The following MPDZ variants were observed in gnomAD, a reference collection of about 807,000 sequenced individuals.
MPDZ encodes the protein multiple PDZ domain protein.
MPDZ carries 234 observed loss-of-function variants against 239.1 expected under a neutral mutation model. The observed-to-expected ratio is 0.98, with a 90% confidence interval of 0.88 to 1.09. The LOEUF is 1.09. Ranked by LOEUF, MPDZ falls within the 50% of genes least tolerant of loss-of-function variation. MPDZ has a pLI of 0.00. For missense variants in MPDZ, 3,175 were observed against 2,510.0 expected (o/e 1.26, Z -5.66); for synonymous variants, 1,048 against 881.3 (o/e 1.19, Z -3.35).
chr9:13,162,177 T>C (rs1015079160), intron 23 of MPDZ, among the ~76,000 whole-genome samples: 7 of 151,812 alleles, frequency 4.6e-5, no homozygotes, highest in Non-Finnish European at 8.8e-5. Context: ...GGTGGGAGGA[T>C]TGCATGAACC....
chr9:13,252,523 G>A (rs1251809792), intron 1 of MPDZ, among the ~76,000 whole-genome samples: 4 of 140,092 alleles, frequency 2.9e-5, no homozygotes, highest in Non-Finnish European at 3.0e-5. Context: ...CCAAGATCGC[G>A]CCACAGCATT....
chr9:13,127,354 G>A (rs1945272271), intron 32 of MPDZ, among the ~76,000 whole-genome samples: 1 of 152,190 alleles, frequency 6.6e-6, no homozygotes, highest in African/African-American at 2.4e-5. Flanking sequence ...CAAGCTCTGA[G>A]AACCTGCCAA....
chr9:13,185,594 A>G (rs1953984250), intron 18 of MPDZ, among the ~76,000 whole-genome samples: 1 of 152,130 alleles, frequency 6.6e-6, no homozygotes, highest in Non-Finnish European at 1.5e-5. Context: ...TAAATGTCAC[A>G]TGTATATTCA....
chr9:13,188,755 A>C (rs1363421907), intron 17 of MPDZ, 29 bp downstream of exon 17: 13 of 1,591,920 alleles, frequency 8.2e-6, no homozygotes, highest in Non-Finnish European at 1.1e-5. Flanking sequence ...TATAAATATA[A>C]AGGGAAGCAA....
At chr9:13,255,613 A>G (rs919184280) in intron 1 of MPDZ, among the ~76,000 whole-genome samples, 4 of 152,206 alleles carry the variant, frequency 2.6e-5, no homozygotes, top group Admixed American at 2.6e-4. Context: ...CTCTTGATGA[A>G]ACTCTATCAG....
At position 13,106,637 on chromosome 9, in the gene MPDZ, T is replaced by C. The variant is rs1051672660; in HGVS notation, c.*328A>G. The C allele has an allele frequency of 1.6e-5, 3 of 191,442 alleles. No homozygotes were observed. Among genetic ancestry groups the C allele is most frequent in the Non-Finnish European group, 3.2e-5 (3 of 94,724 alleles). The allele number at this position is 191,442 out of a possible 1,614,324, so 11.9% of individuals were successfully genotyped here. A position where few individuals can be genotyped will look rare whatever the true frequency, so the allele number is the denominator to read the frequency against. Reference sequence around the variant, plus strand: ...TTTTCTTTGGTTAGCTTTAGAATTATCTTTCTTTATACTAACCAGCTTAGC... The same window carrying C: ...TTTTCTTTGGTTAGCTTTAGAATTACCTTTCTTTATACTAACCAGCTTAGC... On this transcript the variant is annotated 3_prime_UTR_variant, in exon 47 of 47. Transcript: ENST00000319217.
chr9:13,188,802 TC>T lies in MPDZ; in HGVS notation c.2345del (p.Gly782GlufsTer54). 1 of 1,613,228 alleles carries T rather than the reference TC, an allele frequency of 6.2e-7. No individual in the cohort carries two copies. The highest frequency in any genetic ancestry group is 8.5e-7 in the Non-Finnish European group (1 of 1,179,382). ...TTCTTACGGGTAAAGGCTTAGCAAC[TC>T]CTATTCTCACAGTCCCTGACGGTGC... ...KGAPSGTVRI[G>X]VAKPLPLSPE... is the part of the protein sequence containing the mutation. On this transcript the variant is annotated frameshift_variant, in exon 17 of 47. Coordinates refer to ENST00000319217, the MANE Select transcript of MPDZ (RefSeq NM_001378778.1). LOFTEE classifies it high-confidence loss of function.
Position 13,192,099 on chromosome 9 carries a change from G to A in MPDZ, c.1968+32C>T, listed in dbSNP as rs375231348. ...GCCATTTAGCCTTTCCATTATATAT[G>A]TAGGTTAGCCTCATGTATGCAAATC... On this transcript the variant is annotated intron_variant, in intron 15 of 46. Coordinates refer to ENST00000319217, the MANE Select transcript of MPDZ (RefSeq NM_001378778.1). 5.6e-4 allele frequency: 846 copies of A among 1,515,632 alleles called. 2 individuals carry two copies. The African/African-American group carries it at 0.01, about 19-fold the overall frequency. The allele number at this position is 1,515,632 out of a possible 1,614,324, so 93.9% of individuals were successfully genotyped here. A position where few individuals can be genotyped will look rare whatever the true frequency, so the allele number is the denominator to read the frequency against.
intron 10 of MPDZ, among the ~76,000 whole-genome samples, chr9:13,210,526 C>A (rs1033114710): frequency 5.3e-5 from 8 of 151,798 alleles, no homozygotes; most frequent in Non-Finnish European, 1.2e-4. Context: ...GGCAATGCAG[C>A]AGATTGTGTC....
chr9:13,195,001 A>G (rs1955455997), intron 13 of MPDZ, among the ~76,000 whole-genome samples: 1 of 152,096 alleles, frequency 6.6e-6, no homozygotes, highest in Admixed American at 6.6e-5. Flanking sequence ...AAAAAAAAAG[A>G]TTATAGCAAG....
At chr9:13,129,904 G>C (rs963123200) in intron 32 of MPDZ, among the ~76,000 whole-genome samples, 4 of 152,044 alleles carry the variant, frequency 2.6e-5, no homozygotes, top group Non-Finnish European at 4.4e-5. Context: ...AGCTAGAAAA[G>C]AGTAAACAAG....
intron 39 of MPDZ, among the ~76,000 whole-genome samples, chr9:13,117,400 A>G (rs968182544): frequency 2.6e-5 from 4 of 151,956 alleles, no homozygotes; most frequent in Admixed American, 1.3e-4. Flanking sequence ...GCGTGGTGGC[A>G]GGCGCCTGTA....
rs771861847 is a variant in MPDZ at position 13,143,542 on chromosome 9, A to G, written c.3764T>C (p.Leu1255Pro). The part of the protein sequence containing the change: ...RPRKSPLPSL[L>P]HNLYPKYNFS... ...GTTGTACTTAGGGTAAAGGTTGTGC[A>G]GCAAGGAAGGCAAAGGGGATTTCTA... The change falls in exon 27 of 47, where the codon CTG becomes CCG. Residue 1255 changes from leucine to proline, a missense_variant. By Grantham distance (98) the Leu-to-Pro change is moderately conservative. Transcript: ENST00000319217. The G allele has an allele frequency of 6.2e-7, 1 of 1,613,092 alleles. No individual in the cohort carries two copies. Among genetic ancestry groups the G allele is most frequent in the Non-Finnish European group, 8.5e-7 (1 of 1,179,182 alleles).
chr9:13,184,973 A>G (rs1458743375), intron 18 of MPDZ, among the ~76,000 whole-genome samples: 2 of 152,006 alleles, frequency 1.3e-5, no homozygotes, highest in Non-Finnish European at 2.9e-5. Context: ...AGGTTCAAGG[A>G]AGCCATGTAA....
chr9:13,168,652 G>A (rs1951395140), intron 21 of MPDZ, 88 bp from the exon 22 acceptor site: 2 of 1,051,958 alleles, frequency 1.9e-6, no homozygotes, highest in East Asian at 3.0e-5. Flanking sequence ...ATGATTTATA[G>A]ATTAAAAAAT....
At chr9:13,160,584 C>T (rs1226567799) in intron 23 of MPDZ, among the ~76,000 whole-genome samples, 1 of 151,596 alleles carries the variant, frequency 6.6e-6, no homozygotes, top group Non-Finnish European at 1.5e-5. Flanking sequence ...ATTGATTTTA[C>T]CAGTTTGACA....
chr9:13,265,292 G>A (rs183671195), intron 1 of MPDZ, among the ~76,000 whole-genome samples: 4 of 152,160 alleles, frequency 2.6e-5, no homozygotes, highest in Non-Finnish European at 4.4e-5. Flanking sequence ...CAGGTCGACC[G>A]TGCATTTGGG....
intron 34 of MPDZ, 59 bp downstream of exon 34, chr9:13,126,457 A>G (rs759949003): frequency 3.3e-5 from 39 of 1,177,758 alleles, no homozygotes; most frequent in African/African-American, 7.6e-5. Context: ...AGACACAAAC[A>G]CTTTAATCAT....
At chr9:13,224,106 G>A (rs1034784487) in intron 4 of MPDZ, among the ~76,000 whole-genome samples, 1 of 151,434 alleles carries the variant, frequency 6.6e-6, no homozygotes, top group Non-Finnish European at 1.5e-5. Flanking sequence ...AAAAAAAAAA[G>A]AAATTGAATA....
Sources: allele counts gnomAD v4.1 joint callset (sites outside exome capture counted in the v4.1 genomes callset), GRCh38; gene constraint gnomAD v4.1.1; transcripts MANE v1.5; gene names NCBI Gene and HGNC (gene_info 2026-07-23, HGNC 2026-07-21).